Variants in DGKG observed in about 807,000 individuals in gnomAD.
DGKG encodes the protein diacylglycerol kinase gamma.
In DGKG, 78 loss-of-function variants were observed where a neutral mutation model predicts 105.3. That is an observed-to-expected ratio of 0.74 (90% CI 0.62 to 0.89). DGKG has a LOEUF of 0.89. DGKG is among the 40% of genes least tolerant of loss of function. The probability of loss-of-function intolerance (pLI) is 0.00; values close to 1 mark genes in which losing one functional copy is unlikely to be tolerated. For synonymous variants in DGKG, 346 were observed against 367.1 expected, an observed-to-expected ratio of 0.94 and a Z score of 0.66; for missense variants, 958 against 1,020.1, an observed-to-expected ratio of 0.94 and a Z score of 0.83.
rs192470807 is a variant in DGKG, at chr3:186,325,028, G to A, written c.-248-4321C>T. Among the ~76,000 whole-genome samples, 112 of 152,286 alleles carry A rather than the reference G, an allele frequency of 7.4e-4. 1 individual carries two copies. The highest frequency in any genetic ancestry group is 1.3e-3 in the Non-Finnish European group (91 of 68,018). On this transcript the variant is annotated intron_variant, in intron 1 of 24. Coordinates refer to ENST00000265022, the MANE Select transcript of DGKG (RefSeq NM_001346.3). ...ATATACCATACAATACTACACAGCC[G>A]TAAAAAAGAATGAAATCATGTCCTT...
intron 21 of DGKG, among the ~76,000 whole-genome samples, chr3:186,198,961 T>C (rs1718312882): frequency 6.6e-6 from 1 of 152,192 alleles, no homozygotes; most frequent in Non-Finnish European, 1.5e-5. Flanking sequence ...GTATTTTTTT[T>C]TTTAAGACGG....
At chr3:186,204,553 T>TA (rs1298448299) in intron 21 of DGKG, among the ~76,000 whole-genome samples, 1 of 152,214 alleles carries the variant, frequency 6.6e-6, no homozygotes, top group Non-Finnish European at 1.5e-5. Context: ...CATATCCTGA[T>TA]ATGGTGATAT....
chr3:186,243,074 G>A (rs1458544077), intron 19 of DGKG, among the ~76,000 whole-genome samples: 1 of 151,934 alleles, frequency 6.6e-6, no homozygotes, highest in African/African-American at 2.4e-5. Flanking sequence ...TTCCCCCAAT[G>A]ATAACATTTT....
intron 23 of DGKG, among the ~76,000 whole-genome samples, chr3:186,164,666 C>G (rs1716450431): frequency 6.6e-6 from 1 of 152,156 alleles, no homozygotes; most frequent in Admixed American, 6.5e-5. Flanking sequence ...TTCACCAGCT[C>G]AGTTTAACAG....
At chr3:186,205,193 G>A (rs1718665155) in intron 21 of DGKG, among the ~76,000 whole-genome samples, 1 of 149,976 alleles carries the variant, frequency 6.7e-6, no homozygotes, top group African/African-American at 2.5e-5. Flanking sequence ...GAAGGCAGAG[G>A]TTGCAGTGAG....
intron 1 of DGKG, among the ~76,000 whole-genome samples, chr3:186,334,133 G>A (rs151334747): frequency 0.02 from 2,974 of 152,032 alleles, 97 homozygotes; most frequent in African/African-American, 0.068. Context: ...AGCAGCAGCC[G>A]CTTACTGAGG....
intron 19 of DGKG, among the ~76,000 whole-genome samples, chr3:186,249,009 C>A (rs947322559): frequency 6.6e-6 from 1 of 152,190 alleles, no homozygotes; most frequent in Non-Finnish European, 1.5e-5. Flanking sequence ...GAAGCCCACG[C>A]TCCAGAACCC....
chr3:186,307,052 G>A, intron 2 of DGKG, 75 bp from the exon 3 acceptor site: 3 of 1,017,676 alleles, frequency 2.9e-6, no homozygotes, highest in South Asian at 1.3e-5. Flanking sequence ...TTCTCCCTGT[G>A]TAACCATGTT....
At chr3:186,267,362 A>G (rs1722104954) in intron 13 of DGKG, among the ~76,000 whole-genome samples, 1 of 152,230 alleles carries the variant, frequency 6.6e-6, no homozygotes, top group Non-Finnish European at 1.5e-5. Flanking sequence ...TGATCTGTGC[A>G]GCGCTGACCT....
chr3:186,261,685 A>G lies in DGKG; in HGVS notation c.1349+14T>C, dbSNP rs759914711. ...CGCCCTAGTTGCTCCACTTTGAAAC[A>G]GAAGAGAACGTACCTTTCTCCTTGT... is the stretch of plus-strand genomic sequence containing the variant. On this transcript the variant is annotated intron_variant, in intron 15 of 24. Coordinates refer to ENST00000265022, the MANE Select transcript of DGKG (RefSeq NM_001346.3). 3 of 1,586,342 alleles carry G rather than the reference A, an allele frequency of 1.9e-6. No individual in the cohort carries two copies. The highest frequency in any genetic ancestry group is 1.7e-5 in the Admixed American group (1 of 58,478).
At chr3:186,251,433 G>A (rs569486143) in intron 19 of DGKG, among the ~76,000 whole-genome samples, 10 of 152,286 alleles carry the variant, frequency 6.6e-5, no homozygotes, top group South Asian at 2.1e-4. Context: ...CTTGTCCCCC[G>A]GTTATTTCTT....
intron 1 of DGKG, among the ~76,000 whole-genome samples, chr3:186,333,083 A>G (rs1725675142): frequency 6.6e-6 from 1 of 152,272 alleles, no homozygotes; most frequent in Admixed American, 6.5e-5. Context: ...TCTGTAAGTT[A>G]CCCAGCTTCA....
At chr3:186,311,912 C>T (rs1327713918) in intron 2 of DGKG, among the ~76,000 whole-genome samples, 7 of 144,316 alleles carry the variant, frequency 4.9e-5, no homozygotes, top group Non-Finnish European at 7.4e-5. Context: ...GTCAGGAGAT[C>T]GAGACCATCC....
At position 186,273,367 on chromosome 3, in the gene DGKG, C is replaced by CCTTTTTTTTTTTTT. The variant is rs1553811123; in HGVS notation, c.911-1025_911-1024insAAAAAAAAAAAAAG. Reference sequence around the variant, plus strand: ...TGGCGCTGGGGAGACTGTTGTACCCCTTTTTTTTTTTTTTTTTTTTTTTTT... The same window carrying CCTTTTTTTTTTTTT: ...TGGCGCTGGGGAGACTGTTGTACCCCCTTTTTTTTTTTTTTTTTTTTTTTTTTTTTTTTTTTTTT... On this transcript the variant is annotated intron_variant, in intron 10 of 24. Coordinates refer to ENST00000265022, the MANE Select transcript of DGKG (RefSeq NM_001346.3). 1.5e-4 allele frequency among the ~76,000 whole-genome samples: 13 copies of CCTTTTTTTTTTTTT among 85,598 alleles called. 6 individuals carry two copies. Among genetic ancestry groups the CCTTTTTTTTTTTTT allele is most frequent in the African/African-American group, 3.2e-4 (8 of 25,318 alleles). 56.2% of individuals were successfully genotyped at this position (85,598 alleles called of 152,430 possible).
At chr3:186,330,896 G>A (rs6803127) in intron 1 of DGKG, among the ~76,000 whole-genome samples, 14 of 152,000 alleles carry the variant, frequency 9.2e-5, no homozygotes, top group Non-Finnish European at 2.1e-4. Context: ...GGAGCAACAA[G>A]ATTTTGGGGC....
At chr3:186,180,152 A>C (rs983639076) in intron 22 of DGKG, among the ~76,000 whole-genome samples, 1 of 151,806 alleles carries the variant, frequency 6.6e-6, no homozygotes, top group Non-Finnish European at 1.5e-5. Context: ...GAAACATGTG[A>C]CTCTGGGTCT....
intron 22 of DGKG, among the ~76,000 whole-genome samples, chr3:186,169,902 G>C (rs574168433): frequency 6.6e-6 from 1 of 152,360 alleles, no homozygotes; most frequent in East Asian, 1.9e-4. Flanking sequence ...TAGGAAAGGA[G>C]ATGGACTGAA....
intron 15 of DGKG, among the ~76,000 whole-genome samples, chr3:186,261,195 T>C (rs929355271): frequency 6.6e-6 from 1 of 152,198 alleles, no homozygotes; most frequent in African/African-American, 2.4e-5. Flanking sequence ...ATCCCGGAAT[T>C]GGGAGGCAGA....
At chr3:186,285,683 T>C (rs35938920) in intron 6 of DGKG, among the ~76,000 whole-genome samples, 28 of 146,938 alleles carry the variant, frequency 1.9e-4, no homozygotes, top group South Asian at 4.3e-4. Context: ...TTCTTTCTTT[T>C]TTTTTTTTTT....
Sources: allele counts gnomAD v4.1 joint callset (sites outside exome capture counted in the v4.1 genomes callset), GRCh38; gene constraint gnomAD v4.1.1; transcripts MANE v1.5; gene names NCBI Gene and HGNC (gene_info 2026-07-23, HGNC 2026-07-21).